Variants in PCDHGB4 observed in about 807,000 individuals in gnomAD.
PCDHGB4 encodes the protein protocadherin gamma-B4.
In PCDHGB4, 38 loss-of-function variants were observed where a neutral mutation model predicts 60.5. The observed-to-expected ratio is 0.63, with a 90% CI of 0.48 to 0.82. PCDHGB4 has a LOEUF of 0.82. Among genes scored for constraint, PCDHGB4 ranks in the 40% least tolerant of loss-of-function variants. PCDHGB4 has a pLI of 0.00. For missense variants in PCDHGB4, 1,109 were observed against 1,209.6 expected (o/e 0.92, Z 1.23); for synonymous variants, 456 against 509.7 (o/e 0.89, Z 1.42).
intron 1 of PCDHGB4, among the ~76,000 whole-genome samples, chr5:141,407,290 G>A (rs1025830566): frequency 3.3e-5 from 5 of 152,154 alleles, no homozygotes; most frequent in African/African-American, 1.2e-4. Context: ...TACAATTTCT[G>A]TTCTGAGGAG....
intron 1 of PCDHGB4, chr5:141,433,225 G>A: frequency 6.6e-7 from 1 of 1,517,048 alleles, no homozygotes; most frequent in Non-Finnish European, 9.0e-7. Flanking sequence ...TTTTTTAATT[G>A]CTCTGTCTCC....
intron 1 of PCDHGB4, chr5:141,404,643 AC>A (rs769032535): frequency 2.5e-6 from 4 of 1,614,126 alleles, no homozygotes; most frequent in East Asian, 4.5e-5. Flanking sequence ...GAAATCCTGT[AC>A]CCTGCCCTCC....
intron 1 of PCDHGB4, among the ~76,000 whole-genome samples, chr5:141,435,264 T>C (rs1442193276): frequency 5.3e-5 from 8 of 152,222 alleles, no homozygotes; most frequent in Non-Finnish European, 8.8e-5. Context: ...GATATGTCCA[T>C]TTATACTTTC....
rs1031996605 is a variant in PCDHGB4, at chr5:141,487,055, G to C, written c.2398-7752G>C. ...TGCAGTCTCTCGATATGCTGGGGAG[G>C]TGCGGACGGCTGTTCCTATCCCAGC... is the stretch of plus-strand genomic sequence containing the variant. On this transcript the variant is annotated intron_variant, in intron 1 of 3. Transcript: ENST00000519479. The surrounding 1 kb of genome is among the most constrained non-coding windows in gnomAD (Gnocchi z 5.0). The C allele has an allele frequency of 6.2e-7, 1 of 1,614,186 alleles. No individual in the cohort carries two copies. The highest frequency in any genetic ancestry group is 8.5e-7 in the Non-Finnish European group (1 of 1,180,038).
intron 1 of PCDHGB4, chr5:141,429,169 T>TACAC (rs10667977): frequency 0.077 from 11,199 of 145,388 alleles, 458 homozygotes; most frequent in African/African-American, 0.081. Flanking sequence ...ACATTGTTTA[T>TACAC]ACACACACAC....
At chr5:141,502,093 G>C (rs1037154464) in intron 2 of PCDHGB4, among the ~76,000 whole-genome samples, 27 of 152,112 alleles carry the variant, frequency 1.8e-4, no homozygotes, top group Admixed American at 1.7e-3. Flanking sequence ...AGAACACCTG[G>C]CCTTGACCCT....
chr5:141,429,534 A>G (rs1036595279), intron 1 of PCDHGB4, among the ~76,000 whole-genome samples: 1 of 152,222 alleles, frequency 6.6e-6, no homozygotes. Context: ...GCTTAAAAAA[A>G]TAAGAACATG....
At chr5:141,466,107 G>T (rs1463944825) in intron 1 of PCDHGB4, among the ~76,000 whole-genome samples, 1 of 151,928 alleles carries the variant, frequency 6.6e-6, no homozygotes, top group East Asian at 1.9e-4. Flanking sequence ...GGGCAACAGA[G>T]TGAGACTCCA....
chr5:141,492,037 C>A (rs556842734), intron 1 of PCDHGB4: 94 of 538,798 alleles, frequency 1.7e-4, no homozygotes, highest in Non-Finnish European at 2.5e-4. Flanking sequence ...AGGAGGCAGT[C>A]ACAGATCCAC....
intron 1 of PCDHGB4, among the ~76,000 whole-genome samples, chr5:141,397,819 A>G (rs1159682049): frequency 6.6e-6 from 1 of 152,240 alleles, no homozygotes; most frequent in African/African-American, 2.4e-5. Flanking sequence ...AAAAACAATT[A>G]CTGCACTGGT....
At chr5:141,481,606 C>T (rs2099540144) in intron 1 of PCDHGB4, among the ~76,000 whole-genome samples, 1 of 152,000 alleles carries the variant, frequency 6.6e-6, no homozygotes, top group South Asian at 2.1e-4. Context: ...TCACCTGAGG[C>T]CAGGAGTTCA....
chr5:141,388,841 A>G lies in PCDHGB4; in HGVS notation c.957A>G (p.Ala319=). 6.2e-7 allele frequency: 1 copy of G among 1,614,022 alleles called. No individual in the cohort carries two copies. Residue 319 remains alanine, a synonymous_variant, in exon 1 of 4, where the codon GCA becomes GCG. Transcript: ENST00000519479. The part of the protein sequence containing the change: ...EVKEYSIVLE[A]RDGGGMIAQC... ...AAGAATATTCCATAGTTTTGGAAGC[A>G]AGGGACGGTGGAGGAATGATTGCGC...
chr5:141,436,406 G>T (rs1403133377), intron 1 of PCDHGB4, among the ~76,000 whole-genome samples: 3 of 152,308 alleles, frequency 2.0e-5, no homozygotes, highest in East Asian at 3.9e-4. Context: ...GTTGTTGAAT[G>T]AATGGATAAA....
chr5:141,398,782 C>T (rs763578317), intron 1 of PCDHGB4: 1 of 1,613,908 alleles, frequency 6.2e-7, no homozygotes, highest in Non-Finnish European at 8.5e-7. Context: ...GGACGGTGGA[C>T]ATCCACCCCT....
chr5:141,393,962 C>G (rs2150548263), intron 1 of PCDHGB4: 1 of 1,613,894 alleles, frequency 6.2e-7, no homozygotes, highest in Non-Finnish European at 8.5e-7. Flanking sequence ...GTCAAGTTGT[C>G]TGTTACACAC....
intron 1 of PCDHGB4, chr5:141,421,488 G>C: frequency 3.1e-6 from 5 of 1,614,100 alleles, no homozygotes; most frequent in Non-Finnish European, 4.2e-6. Flanking sequence ...GCTTGATCAC[G>C]GCAGGCAGGA....
intron 1 of PCDHGB4, chr5:141,415,056 G>A (rs1367441891): frequency 1.2e-6 from 2 of 1,613,416 alleles, no homozygotes; most frequent in East Asian, 2.2e-5. Context: ...GGGAGCACAC[G>A]GGCGAGGTGC....
intron 1 of PCDHGB4, chr5:141,394,240 C>G (rs1392586422): frequency 6.2e-7 from 1 of 1,613,822 alleles, no homozygotes; most frequent in African/African-American, 1.3e-5. Flanking sequence ...TCCTTGACTG[C>G]ACACGACCCC....
chr5:141,457,429 C>G (rs73280316), intron 1 of PCDHGB4, among the ~76,000 whole-genome samples: 1,780 of 152,292 alleles, frequency 0.012, 30 homozygotes, highest in African/African-American at 0.04. Context: ...TTTTCCCCCC[C>G]ACCAAGCTGC....
Sources: allele counts gnomAD v4.1 joint callset (sites outside exome capture counted in the v4.1 genomes callset), GRCh38; gene constraint gnomAD v4.1.1; non-coding constraint Gnocchi (gnomAD v3.1); transcripts MANE v1.5; gene names NCBI Gene and HGNC (gene_info 2026-07-23, HGNC 2026-07-21).